YAF2: variants seen among roughly 807,000 people sequenced by gnomAD.
YAF2 encodes YY1 associated factor 2.
A neutral mutation model predicts 20.1 loss-of-function variants in YAF2; 7 were observed. The observed-to-expected ratio is 0.35, with a 90% CI of 0.20 to 0.65. The LOEUF is 0.65. YAF2 is among the 30% of genes least tolerant of loss of function. The pLI is 0.69. For synonymous variants in YAF2, 74 were observed against 76.0 expected, an observed-to-expected ratio of 0.97 and a Z score of 0.14; for missense variants, 151 against 219.2, an observed-to-expected ratio of 0.69 and a Z score of 1.96.
chr12:42,235,065 A>C, intron 2 of YAF2: 1 of 985,504 alleles, frequency 1.0e-6, no homozygotes, highest in Non-Finnish European at 1.2e-6. Flanking sequence ...AAAAAGAAAA[A>C]AGTTTTTCAA....
At chr12:42,218,471 ATTG>A (rs1000192547) in intron 2 of YAF2, among the ~76,000 whole-genome samples, 69 of 152,252 alleles carry the variant, frequency 4.5e-4, no homozygotes, top group African/African-American at 1.6e-3. Context: ...TGGCCTATGA[ATTG>A]TTGTTTTTAT....
In YAF2 at chr12:42,160,593, T is replaced by A; in HGVS notation, c.539A>T (p.His180Leu). 6.3e-7 allele frequency: 1 copy of A among 1,596,492 alleles called. No individual in the cohort carries two copies. The highest frequency in any genetic ancestry group is 1.1e-5 in the South Asian group (1 of 90,492). The change falls in exon 4 of 4, where the codon CAT becomes CTT. Residue 180 changes from histidine (H) to leucine (L), a missense_variant. His to Leu is a moderately conservative substitution (Grantham distance 99). This residue lies in a region of YAF2 where 51 missense variants were observed against 48.9 expected (regional missense o/e 1.04). Coordinates refer to ENST00000534854, the MANE Select transcript of YAF2 (RefSeq NM_005748.6). Reference sequence around the variant, plus strand: ...AGAAATTGGAGAAAATAAACTTTAATGAGATTCTCCATTCAATGATGAGGC... The same window carrying A: ...AGAAATTGGAGAAAATAAACTTTAAAGAGATTCTCCATTCAATGATGAGGC... The part of the protein sequence containing the change: ...GEASSLNGES[H>L]
intron 2 of YAF2, among the ~76,000 whole-genome samples, chr12:42,221,181 T>C (rs2067500453): frequency 6.6e-6 from 1 of 152,208 alleles, no homozygotes; most frequent in Non-Finnish European, 1.5e-5. Context: ...TCAAGAGGTA[T>C]ACCACTAGAT....
intron 2 of YAF2, among the ~76,000 whole-genome samples, chr12:42,188,449 A>G (rs549149443): frequency 5.4e-4 from 80 of 149,218 alleles, no homozygotes; most frequent in African/African-American, 1.8e-3. Flanking sequence ...GCAGTGGTAC[A>G]ATCTTGGCTC....
chr12:42,207,345 T>C lies in YAF2; in HGVS notation c.152+30254A>G, dbSNP rs2067073099. 2.0e-5 allele frequency among the ~76,000 whole-genome samples: 3 copies of C among 152,234 alleles called. No individual in the cohort carries two copies. In the South Asian group the frequency reaches 6.2e-4, roughly 31 times the overall value. The stretch of plus-strand genomic sequence containing the variant: ...AAAAGAAAGCAATAATCTTCTAAGA[T>C]ATTCAAACTGCAAAAATCAAGGATA... On this transcript the variant is annotated intron_variant, in intron 2 of 3. Transcript: ENST00000534854.
intron 2 of YAF2, among the ~76,000 whole-genome samples, chr12:42,209,018 G>A (rs2067130591): frequency 6.6e-6 from 1 of 152,096 alleles, no homozygotes; most frequent in African/African-American, 2.4e-5. Flanking sequence ...ATGAGTGGGA[G>A]AGAAATGAGA....
At chr12:42,228,474 TGGG>T (rs71084626) in intron 2 of YAF2, among the ~76,000 whole-genome samples, 67 of 6,438 alleles carry the variant, frequency 0.01, no homozygotes, top group Middle Eastern at 0.17. Flanking sequence ...GGGAGGGAGG[TGGG>T]GGGGGGGGGT....
At chr12:42,187,200 A>AGGCTGGAGTGCAGT (rs2066496199) in intron 2 of YAF2, among the ~76,000 whole-genome samples, 1 of 152,148 alleles carries the variant, frequency 6.6e-6, no homozygotes, top group Non-Finnish European at 1.5e-5. Context: ...TGTGTCACCC[A>AGGCTGGAGTGCAGT]GGCTGGAGTG....
chr12:42,183,589 G>A (rs918162789), intron 2 of YAF2, among the ~76,000 whole-genome samples: 1 of 152,192 alleles, frequency 6.6e-6, no homozygotes, highest in African/African-American at 2.4e-5. Flanking sequence ...CTAATCCACA[G>A]CAAGACCCTA....
At chr12:42,179,553 A>G (rs2066286582) in intron 2 of YAF2, among the ~76,000 whole-genome samples, 1 of 152,132 alleles carries the variant, frequency 6.6e-6, no homozygotes, top group Non-Finnish European at 1.5e-5. Context: ...AAAAATAGAA[A>G]TTGAGGTGGG....
Position 42,234,192 on chromosome 12 carries a change from GAGAAAAGAAAAGAAAAGAAAAGAAA to G in YAF2, c.152+3382_152+3406del, listed in dbSNP as rs67374165. 535 of 912,436 alleles carry G rather than the reference GAGAAAAGAAAAGAAAAGAAAAGAAA, an allele frequency of 5.9e-4. 1 individual carries two copies. The highest frequency in any genetic ancestry group is 2.2e-3 in the Admixed American group (34 of 15,248). The allele number at this position is 912,436 out of a possible 1,614,324, so 56.5% of individuals were successfully genotyped here. ...TCAAATTCTGCCTCAAAAAAAAAAA[GAGAAAAGAAAAGAAAAGAAAAGAAA>G]AGAAAAGAAAAGAAAGAAAAGAAAC... On this transcript the variant is annotated intron_variant, in intron 2 of 3. Coordinates refer to ENST00000534854, the MANE Select transcript of YAF2 (RefSeq NM_005748.6).
intron 2 of YAF2, among the ~76,000 whole-genome samples, chr12:42,223,151 G>A (rs754680681): frequency 3.3e-5 from 5 of 152,028 alleles, no homozygotes; most frequent in African/African-American, 9.7e-5. Flanking sequence ...ATTGACACCC[G>A]AGTTGTTTGA....
At chr12:42,210,376 T>C (rs1565636805) in intron 2 of YAF2, 2 of 1,531,196 alleles carry the variant, frequency 1.3e-6, no homozygotes, top group Non-Finnish European at 1.7e-6. Flanking sequence ...GTTATCCTAT[T>C]GGGTCTTTTC....
At chr12:42,236,128 G>A in intron 2 of YAF2, 2 of 1,350,700 alleles carry the variant, frequency 1.5e-6, no homozygotes, top group Non-Finnish European at 2.0e-6. Flanking sequence ...CCACTTTAAT[G>A]TTCCTGCCTC....
At chr12:42,234,530 T>G (rs1242575201) in intron 2 of YAF2, 13 of 985,148 alleles carry the variant, frequency 1.3e-5, no homozygotes, top group Non-Finnish European at 1.6e-5. Context: ...CTTGAGGAAC[T>G]GAAGCTACAA....
intron 2 of YAF2, among the ~76,000 whole-genome samples, chr12:42,163,530 T>G (rs1369300028): frequency 6.6e-6 from 1 of 152,212 alleles, no homozygotes; most frequent in Non-Finnish European, 1.5e-5. Context: ...GGTTCTTTTT[T>G]TCTGTTCTTG....
intron 2 of YAF2, among the ~76,000 whole-genome samples, chr12:42,236,411 C>T (rs532387496): frequency 6.6e-6 from 1 of 152,014 alleles, no homozygotes; most frequent in African/African-American, 2.4e-5. Flanking sequence ...GAAAAATGTA[C>T]GAAATATTTT....
chr12:42,228,114 T>C (rs1399622213), intron 2 of YAF2, among the ~76,000 whole-genome samples: 16 of 61,230 alleles, frequency 2.6e-4, no homozygotes, highest in South Asian at 9.5e-4. Context: ...GGAGCCCCTC[T>C]GCCCGGCCAG....
intron 2 of YAF2, among the ~76,000 whole-genome samples, chr12:42,186,016 C>T (rs1309094852): frequency 1.3e-5 from 2 of 151,888 alleles, no homozygotes; most frequent in Non-Finnish European, 2.9e-5. Context: ...GCCTGACCAA[C>T]GTGGTGAAAC....
Sources: allele counts gnomAD v4.1 joint callset (sites outside exome capture counted in the v4.1 genomes callset), GRCh38; gene constraint gnomAD v4.1.1; regional missense constraint gnomAD v4.1.1; transcripts MANE v1.5; gene names NCBI Gene and HGNC (gene_info 2026-07-23, HGNC 2026-07-21).